The following ZNF146 variants were observed in gnomAD, a reference collection of about 807,000 sequenced individuals.
ZNF146 encodes the protein zinc finger protein 146.
A neutral mutation model predicts 22.2 loss-of-function variants in ZNF146; 9 were observed. That is an observed-to-expected ratio of 0.41 (90% CI 0.24 to 0.71). ZNF146 has a LOEUF of 0.71. Among genes scored for constraint, ZNF146 ranks in the 30% least tolerant of loss-of-function variants. The pLI is 0.34. For synonymous variants in ZNF146, 108 were observed against 119.2 expected, an observed-to-expected ratio of 0.91 and a Z score of 0.61; for missense variants, 194 against 344.8, an observed-to-expected ratio of 0.56 and a Z score of 3.46.
intron 3 of ZNF146, among the ~76,000 whole-genome samples, chr19:36,229,642 A>G (rs1977236986): frequency 2.0e-5 from 3 of 152,198 alleles, no homozygotes; most frequent in African/African-American, 4.8e-5. Context: ...TCCTTTTCAT[A>G]TAAATGGTGG....
chr19:36,234,427 G>T (rs533441415), intron 3 of ZNF146, among the ~76,000 whole-genome samples: 17 of 152,264 alleles, frequency 1.1e-4, no homozygotes, highest in Non-Finnish European at 2.4e-4. Context: ...TAACCATGTT[G>T]TCCTAATATT....
chr19:36,233,807 GA>G (rs1393381329), intron 3 of ZNF146, among the ~76,000 whole-genome samples: 1 of 152,202 alleles, frequency 6.6e-6, no homozygotes, highest in Non-Finnish European at 1.5e-5. Context: ...GCTTTACACG[GA>G]GACATTCCAT....
chr19:36,236,340 G>C lies in ZNF146; in HGVS notation c.-101G>C. ...TCATACACAGAGAAGCCTTATAAAT[G>C]TAAGAGATGTGGAAATATCTTCAGC... On this transcript the variant is annotated 5_prime_UTR_variant, in exon 4 of 4. It removes an upstream start codon present in the reference 5' UTR. Transcript: ENST00000443387. 1 of 1,375,228 alleles carries C rather than the reference G, an allele frequency of 7.3e-7. No individual in the cohort carries two copies. Among genetic ancestry groups the C allele is most frequent in the Non-Finnish European group, 9.8e-7 (1 of 1,015,936 alleles). 85.2% of individuals were successfully genotyped at this position (1,375,228 alleles called of 1,614,324 possible).
intron 1 of ZNF146, among the ~76,000 whole-genome samples, chr19:36,217,810 G>C (rs777285899): frequency 6.6e-6 from 1 of 151,734 alleles, no homozygotes. Context: ...GCTTGAACCC[G>C]GGAGGCGGAG....
Position 36,236,956 on chromosome 19 carries a change from A to G in ZNF146, c.516A>G (p.Ile172Met). ...GTAFGQKKYL[I>M]KHQNIHTGEK... ...CCTTTGGCCAGAAGAAGTACCTCAT[A>G]AAACATCAGAACATTCACACTGGAG... is the stretch of plus-strand genomic sequence containing the variant. The change falls in exon 4 of 4, where the codon ATA (isoleucine) becomes ATG (methionine). Residue 172 changes from isoleucine (I) to methionine (M), a missense_variant. Ile to Met is a conservative substitution (Grantham distance 10, BLOSUM62 1). Around this residue, in one of 2 missense-constraint regions of ZNF146, gnomAD observed 147 missense variants for 300.1 expected, o/e 0.49. Coordinates refer to ENST00000443387, the MANE Select transcript of ZNF146 (RefSeq NM_007145.3). The G allele has an allele frequency of 6.2e-7, 1 of 1,614,110 alleles. No homozygotes were observed. Among genetic ancestry groups the G allele is most frequent in the Non-Finnish European group, 8.5e-7 (1 of 1,180,000 alleles).
chr19:36,237,261 G>C lies in ZNF146; in HGVS notation c.821G>C (p.Gly274Ala). Residue 274 changes from glycine (G) to alanine (A), a missense_variant, in exon 4 of 4, where the codon GGG (glycine) becomes GCG (alanine). Around this residue, in one of 2 missense-constraint regions of ZNF146, gnomAD observed 147 missense variants for 300.1 expected, o/e 0.49. Coordinates refer to ENST00000443387, the MANE Select transcript of ZNF146 (RefSeq NM_007145.3). Reference sequence around the variant, plus strand: ...AAGCCTTATCAGTGCAGTGAATGTGGGAAAGCTTTCAGCCAGAAGTCACAC... The same window carrying C: ...AAGCCTTATCAGTGCAGTGAATGTGCGAAAGCTTTCAGCCAGAAGTCACAC... ...GKKPYQCSEC[G>A]KAFSQKSHHI... is the part of the protein sequence containing the mutation. 1 of 1,613,942 alleles carries C rather than the reference G, an allele frequency of 6.2e-7. No homozygotes were observed. The highest frequency in any genetic ancestry group is 8.5e-7 in the Non-Finnish European group (1 of 1,179,918).
intron 1 of ZNF146, among the ~76,000 whole-genome samples, chr19:36,215,804 A>C (rs1169245991): frequency 6.6e-6 from 1 of 152,154 alleles, no homozygotes; most frequent in Non-Finnish European, 1.5e-5. Context: ...ACGCTTTGAG[A>C]AGCAATCCCA....
chr19:36,224,809 G>A (rs898611359), intron 2 of ZNF146, among the ~76,000 whole-genome samples: 8 of 152,130 alleles, frequency 5.3e-5, no homozygotes, highest in African/African-American at 1.9e-4. Context: ...ACGTATTCTC[G>A]TTTCTTTTTG....
At chr19:36,222,778 C>CTTTTTTTTTTTTTTTTT (rs55668684) in intron 2 of ZNF146, among the ~76,000 whole-genome samples, 1 of 100,886 alleles carries the variant, frequency 9.9e-6, no homozygotes, top group African/African-American at 3.7e-5. Flanking sequence ...TGAGTGGTGG[C>CTTTTTTTTTTTTTTTTT]TTTTTTTTTT....
intron 3 of ZNF146, among the ~76,000 whole-genome samples, chr19:36,231,922 GCCAGACTCGGTGGTTCACCCCTGTAATC>G (rs1977390271): frequency 6.6e-6 from 1 of 151,146 alleles, no homozygotes; most frequent in Non-Finnish European, 1.5e-5. Flanking sequence ...AAAAAAAAAG[GCCAGACTCGGTGGTTCACCCCTGTAATC>G]CCAACACTTT....
In ZNF146 at chr19:36,235,907, T is replaced by G. The variant is rs1356239752; in HGVS notation, c.-534T>G. 1 of 152,370 alleles carries G rather than the reference T, an allele frequency of 6.6e-6. No homozygotes were observed. The highest frequency in any genetic ancestry group is 1.5e-5 in the Non-Finnish European group (1 of 68,190). The allele number at this position is 152,370 out of a possible 1,614,324, so 9.4% of individuals were successfully genotyped here. A position where few individuals can be genotyped will look rare whatever the true frequency, so the allele number is the denominator to read the frequency against. On this transcript the variant is annotated 5_prime_UTR_variant, in exon 4 of 4. Transcript: ENST00000443387. ...GTGTAGGAAAGAATCATCAAGGGAC[T>G]TAGTTGGGAGCTTCTCTACCACAGC...
intron 3 of ZNF146, among the ~76,000 whole-genome samples, chr19:36,235,221 G>GAAAA (rs10664200): frequency 0.26 from 38,576 of 148,784 alleles, 5,354 homozygotes; most frequent in African/African-American, 0.37. Context: ...AAAAAAAAAA[G>GAAAA]AAGAAAGAAA....
intron 3 of ZNF146, among the ~76,000 whole-genome samples, chr19:36,235,422 AG>A (rs1248894874): frequency 6.6e-6 from 1 of 152,192 alleles, no homozygotes; most frequent in Non-Finnish European, 1.5e-5. Flanking sequence ...CACCTCAAGT[AG>A]GGTTCCCTTC....
Position 36,235,896 on chromosome 19 carries a change from C to CTCGGTGGTCGCCGT in ZNF146, c.-545_-544insTCGGTGGTCGCCGT. The CTCGGTGGTCGCCGT allele has an allele frequency of 6.6e-6, 1 of 152,476 alleles. No homozygotes were observed. Among genetic ancestry groups the CTCGGTGGTCGCCGT allele is most frequent in the Non-Finnish European group, 1.5e-5 (1 of 68,164 alleles). The allele number at this position is 152,476 out of a possible 1,614,324, so 9.4% of individuals were successfully genotyped here. A position where few individuals can be genotyped will look rare whatever the true frequency, so the allele number is the denominator to read the frequency against. On this transcript the variant is annotated 5_prime_UTR_variant, in exon 4 of 4. Coordinates refer to ENST00000443387, the MANE Select transcript of ZNF146 (RefSeq NM_007145.3). ...TGAGGGAGGTTGTGTAGGAAAGAATCATCAAGGGACTTAGTTGGGAGCTTC... is the reference window on the plus strand; with the variant it reads ...TGAGGGAGGTTGTGTAGGAAAGAATCTCGGTGGTCGCCGTATCAAGGGACTTAGTTGGGAGCTTC...
chr19:36,223,197 A>T (rs1976926893), intron 2 of ZNF146, among the ~76,000 whole-genome samples: 1 of 151,784 alleles, frequency 6.6e-6, no homozygotes, highest in African/African-American at 2.4e-5. Flanking sequence ...CGGGTAGATC[A>T]CTTGAGGTCA....
intron 2 of ZNF146, among the ~76,000 whole-genome samples, chr19:36,220,404 G>A (rs187184508): frequency 1.3e-3 from 191 of 149,016 alleles, no homozygotes; most frequent in East Asian, 9.2e-3. Context: ...TTGCTCTGTC[G>A]CCCAGGCTGG....
At chr19:36,230,194 T>A (rs937035946) in intron 3 of ZNF146, among the ~76,000 whole-genome samples, 1 of 152,206 alleles carries the variant, frequency 6.6e-6, no homozygotes, top group South Asian at 2.1e-4. Context: ...GTTTATAAAT[T>A]TAATTGAGAT....
chr19:36,236,618 A>G lies in ZNF146; in HGVS notation c.178A>G (p.Ile60Val), dbSNP rs1269924210. 1 of 1,614,238 alleles carries G rather than the reference A, an allele frequency of 6.2e-7. No homozygotes were observed. The highest frequency in any genetic ancestry group is 1.3e-5 in the African/African-American group (1 of 75,070). The change falls in exon 4 of 4, where the codon ATT (isoleucine) becomes GTT (valine). Residue 60 changes from isoleucine (I) to valine (V), a missense_variant. Ile to Val is a conservative substitution (Grantham distance 29). Coordinates refer to ENST00000443387, the MANE Select transcript of ZNF146 (RefSeq NM_007145.3). ...AGCCTTTAGCCAAAAGCAGTATGTC[A>G]TTAAACATCAGAACACCCATACTGG... ...GKAFSQKQYV[I>V]KHQNTHTGEK... is the part of the protein sequence containing the mutation.
At chr19:36,226,976 C>T (rs906301352) in intron 2 of ZNF146, among the ~76,000 whole-genome samples, 19 of 151,550 alleles carry the variant, frequency 1.3e-4, no homozygotes, top group Admixed American at 7.9e-4. Context: ...CCAGCTGCTC[C>T]GGAGGCTGAG....
Sources: gnomAD v4.1 joint callset for allele counts (sites outside exome capture counted in the v4.1 genomes callset) on GRCh38, gnomAD v4.1.1 for gene constraint, gnomAD v4.1.1 regional missense constraint, MANE v1.5 for transcripts, NCBI Gene and HGNC (gene_info 2026-07-23, HGNC 2026-07-21) for gene names.